The following DMXL1 variants were observed in gnomAD, a reference collection of about 807,000 sequenced individuals.
DMXL1 encodes dmX-like protein 1.
In DMXL1, 99 loss-of-function variants were observed where a neutral mutation model predicts 319.2. The observed-to-expected ratio is 0.31, with a 90% CI of 0.26 to 0.37. The LOEUF (loss-of-function observed/expected upper bound fraction) is 0.37. DMXL1 is among the 10% of genes least tolerant of loss of function. The pLI is 1.00. For missense variants in DMXL1, 3,745 were observed against 3,595.6 expected (o/e 1.04, Z -1.06); for synonymous variants, 1,385 against 1,235.2 (o/e 1.12, Z -2.54).
At position 119,230,620 on chromosome 5, in the gene DMXL1, C is replaced by T. The variant is rs535218062; in HGVS notation, c.8339-2720C>T. 1.4e-4 allele frequency among the ~76,000 whole-genome samples: 21 copies of T among 152,290 alleles called. No homozygotes were observed. In the East Asian group the frequency reaches 3.9e-3, roughly 28 times the overall value. Reference sequence around the variant, plus strand: ...TATCTGGGCCGGGCACAGTGGCTCACGCCTGTAATCCCAGCACTTTGGGAG... The same window carrying T: ...TATCTGGGCCGGGCACAGTGGCTCATGCCTGTAATCCCAGCACTTTGGGAG... On this transcript the variant is annotated intron_variant, in intron 38 of 43. Transcript: ENST00000539542.
chr5:119,166,089 C>T (rs1278014064), intron 21 of DMXL1, among the ~76,000 whole-genome samples: 1 of 152,210 alleles, frequency 6.6e-6, no homozygotes, highest in African/African-American at 2.4e-5. Context: ...CACTTCTGAG[C>T]AAGACTGGTG....
At chr5:119,145,522 ATTAT>A (rs570139255) in intron 15 of DMXL1, among the ~76,000 whole-genome samples, 158 of 151,888 alleles carry the variant, frequency 1.0e-3, no homozygotes, top group African/African-American at 3.0e-3. Flanking sequence ...AAGAGATAAG[ATTAT>A]TTATTGTATA....
chr5:119,241,818 C>T (rs899590020), intron 42 of DMXL1, among the ~76,000 whole-genome samples: 4 of 152,114 alleles, frequency 2.6e-5, no homozygotes, highest in African/African-American at 9.7e-5. Flanking sequence ...GAGAGAAGAC[C>T]TGCTCACATG....
intron 2 of DMXL1, 96 bp downstream of exon 2, chr5:119,098,200 G>T: frequency 7.1e-7 from 1 of 1,412,024 alleles, no homozygotes; most frequent in Admixed American, 2.4e-5. Context: ...TTAGAGACTT[G>T]GCTTTGTTTC....
intron 38 of DMXL1, among the ~76,000 whole-genome samples, chr5:119,231,528 C>G (rs1265981753): frequency 6.6e-6 from 1 of 152,202 alleles, no homozygotes; most frequent in Non-Finnish European, 1.5e-5. Flanking sequence ...CAGGAGGTAA[C>G]TGTGCCTGGT....
chr5:119,215,753 A>C, intron 34 of DMXL1, among the ~76,000 whole-genome samples: 2 of 152,182 alleles, frequency 1.3e-5, no homozygotes, highest in East Asian at 3.9e-4. Context: ...ATTTCAGATA[A>C]TTTATGCATT....
At chr5:119,085,143 G>C (rs190733656) in intron 1 of DMXL1, among the ~76,000 whole-genome samples, 2 of 151,858 alleles carry the variant, frequency 1.3e-5, no homozygotes, top group Non-Finnish European at 2.9e-5. Context: ...ACCCTAGCCA[G>C]CATGGTGAAA....
intron 19 of DMXL1, among the ~76,000 whole-genome samples, chr5:119,162,241 G>A (rs1379036159): frequency 1.3e-5 from 2 of 152,174 alleles, no homozygotes; most frequent in African/African-American, 4.8e-5. Flanking sequence ...CCTCGCAGGT[G>A]TCTCAGCTCA....
At chr5:119,091,545 A>T (rs568838259) in intron 1 of DMXL1, among the ~76,000 whole-genome samples, 1 of 152,196 alleles carries the variant, frequency 6.6e-6, no homozygotes, top group East Asian at 1.9e-4. Context: ...ATGTCTTTGC[A>T]TTTATGGATT....
intron 9 of DMXL1, among the ~76,000 whole-genome samples, chr5:119,126,618 CAA>C (rs573967667): frequency 2.0e-5 from 3 of 152,014 alleles, no homozygotes; most frequent in African/African-American, 7.2e-5. Context: ...ATAACAATAA[CAA>C]AAAAAATTTT....
chr5:119,195,314 T>C (rs1208993433), intron 30 of DMXL1, among the ~76,000 whole-genome samples: 1 of 152,190 alleles, frequency 6.6e-6, no homozygotes, highest in Non-Finnish European at 1.5e-5. Context: ...TTAGCAGCAT[T>C]ATTTACAGTA....
chr5:119,203,985 A>ACTAATTTTTTT (rs1389795887), intron 33 of DMXL1, among the ~76,000 whole-genome samples: 2 of 151,018 alleles, frequency 1.3e-5, no homozygotes, highest in Non-Finnish European at 3.0e-5. Context: ...ACCACGCCCA[A>ACTAATTTTTTT]CTAATTTTTT....
intron 33 of DMXL1, 34 bp from the exon 34 acceptor site, chr5:119,206,800 C>G (rs1781825295): frequency 7.3e-7 from 1 of 1,364,668 alleles, no homozygotes; most frequent in African/African-American, 1.5e-5. Context: ...CTCATCTTTA[C>G]TCTTTGTCAT....
intron 25 of DMXL1, among the ~76,000 whole-genome samples, chr5:119,174,890 T>C (rs1775488903): frequency 6.6e-6 from 1 of 152,264 alleles, no homozygotes; most frequent in African/African-American, 2.4e-5. Context: ...GAACTGTCAG[T>C]TATCAGGCTG....
At chr5:119,246,261 C>T (rs1789739865) in intron 43 of DMXL1, among the ~76,000 whole-genome samples, 1 of 152,088 alleles carries the variant, frequency 6.6e-6, no homozygotes, top group South Asian at 2.1e-4. Context: ...CAAGTACTTC[C>T]CTCTTTCTAG....
chr5:119,197,645 C>CT (rs370493003), intron 31 of DMXL1, 110 bp from the exon 32 acceptor site: 15,287 of 747,126 alleles, frequency 0.02, no homozygotes, highest in Non-Finnish European at 0.023. Flanking sequence ...TCATCTCAGT[C>CT]TTTTTTTTTT....
chr5:119,170,379 G>T lies in DMXL1; in HGVS notation c.5588G>T (p.Ser1863Ile). ...SERRLFFTTA[S>I]AHLKAGCPML... is the part of the protein sequence containing the mutation. ...AGACGTTTATTTTTTACCACTGCCA[G>T]TGCTCATTTAAAAGCTGGCTGCCCA... Residue 1863 changes from serine to isoleucine, a missense_variant, in exon 24 of 44, where the codon AGT (serine) becomes ATT (isoleucine). Physicochemically the swap from Ser to Ile is moderately radical, Grantham distance 142 (BLOSUM62 -2). Coordinates refer to ENST00000539542, the MANE Select transcript of DMXL1 (RefSeq NM_001290321.3). The T allele has an allele frequency of 1.2e-6, 2 of 1,613,978 alleles. No homozygotes were observed. The highest frequency in any genetic ancestry group is 1.7e-6 in the Non-Finnish European group (2 of 1,179,954).
intron 28 of DMXL1, among the ~76,000 whole-genome samples, chr5:119,183,222 G>T (rs1030719324): frequency 1.3e-5 from 2 of 152,138 alleles, no homozygotes; most frequent in Non-Finnish European, 2.9e-5. Flanking sequence ...TATAAAACTT[G>T]TGTAAAAACA....
At chr5:119,106,149 T>G (rs1387060327) in intron 4 of DMXL1, among the ~76,000 whole-genome samples, 1 of 151,890 alleles carries the variant, frequency 6.6e-6, no homozygotes, top group African/African-American at 2.4e-5. Flanking sequence ...TGCTGCTTGC[T>G]ATCTACTGGA....
Sources: allele counts gnomAD v4.1 joint callset (sites outside exome capture counted in the v4.1 genomes callset), GRCh38; gene constraint gnomAD v4.1.1; transcripts MANE v1.5; gene names NCBI Gene and HGNC (gene_info 2026-07-23, HGNC 2026-07-21).